The following ANKRD28 variants were observed in gnomAD, a reference collection of about 807,000 sequenced individuals.
ANKRD28 encodes ankyrin repeat domain 28.
Under a neutral mutation model 126.5 loss-of-function variants are expected in ANKRD28, and 44 were observed. The observed-to-expected ratio is 0.35, with a 90% CI of 0.27 to 0.45. The LOEUF is 0.45. ANKRD28 is among the 20% of genes least tolerant of loss of function. The pLI is 1.00. For missense variants in ANKRD28, 1,110 were observed against 1,316.6 expected (o/e 0.84, Z 2.43); for synonymous variants, 442 against 468.5 (o/e 0.94, Z 0.73).
intron 13 of ANKRD28, among the ~76,000 whole-genome samples, chr3:15,709,182 G>A (rs116242538): frequency 0.017 from 2,560 of 152,242 alleles, 71 homozygotes; most frequent in African/African-American, 0.058. Context: ...ATGTGTGTGA[G>A]AGATTTATAT....
intron 18 of ANKRD28, among the ~76,000 whole-genome samples, chr3:15,689,098 A>T (rs193125491): frequency 1.2e-4 from 19 of 152,362 alleles, no homozygotes; most frequent in Admixed American, 6.5e-4. Context: ...CTGAGAATAC[A>T]ATCATTTTAC....
chr3:15,714,922 T>C (rs2072825754), intron 8 of ANKRD28, among the ~76,000 whole-genome samples: 1 of 152,150 alleles, frequency 6.6e-6, no homozygotes, highest in African/African-American at 2.4e-5. Flanking sequence ...GTCTCCCAAG[T>C]TTCAGATTCA....
Position 15,721,033 on chromosome 3 carries a change from G to A in ANKRD28, c.878C>T (p.Ala293Val). ...VVVNELIDCG[A>V]IVNQKNEKGF... ...TTTTTCATTCTTTTGATTCACAATA[G>A]CACCACAGTCTATAAGTTCATTCAC... The change falls in exon 8 of 28, where the codon GCT (alanine) becomes GTT (valine). Residue 293 changes from alanine to valine, a missense_variant. By Grantham distance (64) the Ala-to-Val change is moderately conservative. Coordinates refer to ENST00000683139, the MANE Select transcript of ANKRD28 (RefSeq NM_001349278.2). The A allele has an allele frequency of 1.9e-6, 3 of 1,613,802 alleles. No homozygotes were observed. Among genetic ancestry groups the A allele is most frequent in the Non-Finnish European group, 2.5e-6 (3 of 1,179,796 alleles).
chr3:15,784,994 T>C (rs2059708862), intron 2 of ANKRD28, among the ~76,000 whole-genome samples: 1 of 152,114 alleles, frequency 6.6e-6, no homozygotes, highest in African/African-American at 2.4e-5. Flanking sequence ...GTGGTCATGG[T>C]AAATTGCAAT....
Position 15,686,258 on chromosome 3 carries a change from G to A in ANKRD28, c.2015C>T (p.Pro672Leu). Residue 672 changes from proline to leucine, a missense_variant, in exon 19 of 28, where the codon CCA (proline) becomes CTA (leucine). Transcript: ENST00000683139. ...ATCTTGAATATCCACTGCATTCTGT[G>A]GTTCTGCATTTCCTATTAATAGCCG... Reference protein sequence around the residue: ...CLRLLIGNAEPQNAVDIQDGN... With the variant: ...CLRLLIGNAELQNAVDIQDGN... The A allele has an allele frequency of 6.3e-7, 1 of 1,593,478 alleles. No individual in the cohort carries two copies. Among genetic ancestry groups the A allele is most frequent in the Non-Finnish European group, 8.6e-7 (1 of 1,168,658 alleles).
chr3:15,761,452 A>G (rs1236740478), intron 3 of ANKRD28, among the ~76,000 whole-genome samples: 1 of 152,202 alleles, frequency 6.6e-6, no homozygotes, highest in Non-Finnish European at 1.5e-5. Flanking sequence ...ATAATTCATT[A>G]AAAGGCTGTT....
chr3:15,672,316 C>G (rs2066456065), intron 27 of ANKRD28, among the ~76,000 whole-genome samples: 1 of 151,790 alleles, frequency 6.6e-6, no homozygotes, highest in South Asian at 2.1e-4. Flanking sequence ...AATTTTTAAA[C>G]TTTTTTGTAG....
At position 15,695,175 on chromosome 3, in the gene ANKRD28, G is replaced by A; in HGVS notation, c.1686+13C>T. On this transcript the variant is annotated intron_variant, in intron 16 of 27. Coordinates refer to ENST00000683139, the MANE Select transcript of ANKRD28 (RefSeq NM_001349278.2). ...CAATACTAATTGGTGGGAGGGAATT[G>A]ACTAATACTTACAACATCTAGAGGA... The A allele has an allele frequency of 6.3e-7, 1 of 1,589,476 alleles. No individual in the cohort carries two copies.
intron 2 of ANKRD28, among the ~76,000 whole-genome samples, chr3:15,782,733 A>G (rs926097565): frequency 6.6e-6 from 1 of 152,110 alleles, no homozygotes; most frequent in Admixed American, 6.6e-5. Flanking sequence ...TCAGAACTCA[A>G]CAAGTTTCAA....
chr3:15,816,241 C>T lies in ANKRD28; in HGVS notation c.28-20935G>A, dbSNP rs1166041196. Among the ~76,000 whole-genome samples the T allele has an allele frequency of 6.6e-6, 1 of 152,152 alleles. No individual in the cohort carries two copies. Among genetic ancestry groups the T allele is most frequent in the African/African-American group, 2.4e-5 (1 of 41,414 alleles). On this transcript the variant is annotated intron_variant, in intron 1 of 27. Transcript: ENST00000399451. The surrounding 1 kb of genome is among the most constrained non-coding windows in gnomAD (Gnocchi z 5.0). ...GAAAAATTAAATTTTCTTACTTTAA[C>T]CAAATCCACCTAGCCTAGCCTCCTA...
In ANKRD28 at chr3:15,830,723, C is replaced by T. The variant is rs755366374; in HGVS notation, c.27+28654G>A. Among the ~76,000 whole-genome samples the T allele has an allele frequency of 1.3e-5, 2 of 151,974 alleles. No homozygotes were observed. Among genetic ancestry groups the T allele is most frequent in the African/African-American group, 4.8e-5 (2 of 41,368 alleles). On this transcript the variant is annotated intron_variant, in intron 1 of 27. Transcript: ENST00000399451. This position sits in a 1 kb window ranked among gnomAD's most constrained non-coding sequence, Gnocchi z 4.5. ...CAGCTCCTAGGAGGTAACTGCTAACCCCTTGGAATGTCCTGCTTGATAAAG... is the reference window on the plus strand; with the variant it reads ...CAGCTCCTAGGAGGTAACTGCTAACTCCTTGGAATGTCCTGCTTGATAAAG...
chr3:15,745,098 T>C (rs1468145400), intron 4 of ANKRD28, among the ~76,000 whole-genome samples: 1 of 152,220 alleles, frequency 6.6e-6, no homozygotes, highest in Non-Finnish European at 1.5e-5. Context: ...TTTTTCTTGC[T>C]GATTTGTTTG....
In ANKRD28 at chr3:15,796,135, T is replaced by C. The variant is rs142087315; in HGVS notation, c.117+270A>G. Among the ~76,000 whole-genome samples the C allele has an allele frequency of 1.4e-3, 212 of 152,306 alleles. 1 individual carries two copies. The highest frequency in any genetic ancestry group is 6.8e-3 in the Middle Eastern group (2 of 294). On this transcript the variant is annotated intron_variant, in intron 1 of 27. Coordinates refer to ENST00000683139, the MANE Select transcript of ANKRD28 (RefSeq NM_001349278.2). ...CCACAAAATGAAAACAGAAACGTGG[T>C]TGCCATAACTACTAATTCTCAAATT... is the stretch of plus-strand genomic sequence containing the variant.
intron 2 of ANKRD28, among the ~76,000 whole-genome samples, chr3:15,789,281 C>T (rs2059917429): frequency 6.6e-6 from 1 of 152,016 alleles, no homozygotes; most frequent in Admixed American, 6.6e-5. Context: ...TATTCCTGCT[C>T]CAGGGGATGA....
At chr3:15,691,613 TA>T (rs1185528793) in intron 17 of ANKRD28, among the ~76,000 whole-genome samples, 1 of 152,212 alleles carries the variant, frequency 6.6e-6, no homozygotes, top group Non-Finnish European at 1.5e-5. Flanking sequence ...CAGCAAGAGA[TA>T]AACTTGCTCT....
chr3:15,670,052 G>A lies in ANKRD28; in HGVS notation c.*218C>T, dbSNP rs1263553359. On this transcript the variant is annotated 3_prime_UTR_variant, in exon 28 of 28. Coordinates refer to ENST00000683139, the MANE Select transcript of ANKRD28 (RefSeq NM_001349278.2). ...TTCCACAAAGAATTCTGACATCAAT[G>A]TGTTTTCCTCAGTCAGGTCTATTTC... 2 of 520,496 alleles carry A rather than the reference G, an allele frequency of 3.8e-6. No individual in the cohort carries two copies. Among genetic ancestry groups the A allele is most frequent in the South Asian group, 2.9e-5 (1 of 34,500 alleles). 32.2% of individuals were successfully genotyped at this position (520,496 alleles called of 1,614,324 possible).
intron 1 of ANKRD28, among the ~76,000 whole-genome samples, chr3:15,819,114 C>A (rs554730087): frequency 1.3e-4 from 20 of 151,934 alleles, no homozygotes; most frequent in African/African-American, 4.3e-4. Context: ...CCTGTCTCTA[C>A]AAAAAAATTA....
At chr3:15,782,445 T>C (rs1316312952) in intron 2 of ANKRD28, among the ~76,000 whole-genome samples, 2 of 152,104 alleles carry the variant, frequency 1.3e-5, no homozygotes, top group African/African-American at 4.8e-5. Flanking sequence ...AGCTTTGTCA[T>C]ATACTCTGCA....
Position 15,845,887 on chromosome 3 carries a change from G to A in ANKRD28, c.27+13490C>T, listed in dbSNP as rs889117990. Among the ~76,000 whole-genome samples the A allele has an allele frequency of 9.9e-5, 15 of 152,104 alleles. No individual in the cohort carries two copies. The highest frequency in any genetic ancestry group is 5.8e-4 in the East Asian group (3 of 5,176). ...AAACCATTGCATCTCGTGAAAACTCGCTCACTATCAAGAGAACAGCAAGGG... is the reference window on the plus strand; with the variant it reads ...AAACCATTGCATCTCGTGAAAACTCACTCACTATCAAGAGAACAGCAAGGG... On this transcript the variant is annotated intron_variant, in intron 1 of 27. Coordinates refer to the ANKRD28 transcript ENST00000399451. The surrounding 1 kb of genome is among the most constrained non-coding windows in gnomAD (Gnocchi z 4.9).
Sources: allele counts gnomAD v4.1 joint callset (sites outside exome capture counted in the v4.1 genomes callset), GRCh38; gene constraint gnomAD v4.1.1; non-coding constraint Gnocchi (gnomAD v3.1); transcripts MANE v1.5; gene names NCBI Gene and HGNC (gene_info 2026-07-23, HGNC 2026-07-21).